The following NPC1 variants were observed in gnomAD, a reference collection of about 807,000 sequenced individuals.
NPC1 encodes the protein NPC intracellular cholesterol transporter 1, also known as Niemann-Pick C1 protein.
A neutral mutation model predicts 140.4 loss-of-function variants in NPC1; 85 were observed. The observed-to-expected ratio is 0.61, with a 90% CI of 0.51 to 0.72. NPC1 has a LOEUF of 0.72. Among genes scored for constraint, NPC1 ranks in the 30% least tolerant of loss-of-function variants. The probability of loss-of-function intolerance (pLI) is 0.00; values close to 1 mark genes in which losing one functional copy is unlikely to be tolerated. For synonymous variants in NPC1, 656 were observed against 624.8 expected (o/e 1.05, Z -0.74); for missense variants, 1,504 against 1,623.8 (o/e 0.93, Z 1.27).
At position 23,536,747 on chromosome 18, in the gene NPC1, T is replaced by C; in HGVS notation, c.3171A>G (p.Lys1057=). 4 of 1,614,216 alleles carry C rather than the reference T, an allele frequency of 2.5e-6. No individual in the cohort carries two copies. The highest frequency in any genetic ancestry group is 3.4e-6 in the Non-Finnish European group (4 of 1,180,038). The part of the protein sequence containing the change: ...TSADFIDALK[K]ARLIASNVTE... ...TGACATTACTGGCTATAAGTCGGGC[T>C]TTCTTCAGAGCGTCAATAAAGTCAG... is the stretch of plus-strand genomic sequence containing the variant. The change falls in exon 21 of 25, where the codon AAA becomes AAG. Residue 1057 remains lysine, a synonymous_variant. Coordinates refer to ENST00000269228, the MANE Select transcript of NPC1 (RefSeq NM_000271.5).
chr18:23,562,428 T>C (rs911127593), intron 4 of NPC1, among the ~76,000 whole-genome samples: 3 of 152,092 alleles, frequency 2.0e-5, no homozygotes, highest in African/African-American at 4.8e-5. Context: ...GAATGGGTCC[T>C]GTACTGTCGA....
chr18:23,529,994 G>T (rs763240117), downstream of NPC1: 1 of 1,554,898 alleles, frequency 6.4e-7, no homozygotes, highest in Non-Finnish European at 8.9e-7. Flanking sequence ...GAATGATTTG[G>T]AAGTGTTCTT....
In NPC1 at chr18:23,543,332, G is replaced by GAAA. The variant is rs34563465; in HGVS notation, c.2245+120_2245+122dup. 534 of 421,424 alleles carry GAAA rather than the reference G, an allele frequency of 1.3e-3. 1 individual carries two copies. The highest frequency in any genetic ancestry group is 2.2e-3 in the East Asian group (51 of 23,148). The allele number at this position is 421,424 out of a possible 1,614,324, so 26.1% of individuals were successfully genotyped here. ...TGGCAGAGTGAGACTCCGTCTCAGA[G>GAAA]AAAAAAAAAAAAAAGAAAAAAAAAA... On this transcript the variant is annotated intron_variant, in intron 14 of 24. Coordinates refer to ENST00000269228, the MANE Select transcript of NPC1 (RefSeq NM_000271.5).
In NPC1 at chr18:23,557,143, G is replaced by T. The variant is rs1444556267; in HGVS notation, c.929C>A (p.Ala310Asp). 1.2e-6 allele frequency: 2 copies of T among 1,613,604 alleles called. No individual in the cohort carries two copies. The highest frequency in any genetic ancestry group is 1.7e-6 in the Non-Finnish European group (2 of 1,179,784). Residue 310 changes from alanine to aspartate, a missense_variant, in exon 7 of 25, where the codon GCT becomes GAT. Physicochemically the swap from Ala to Asp is moderately radical, Grantham distance 126. Transcript: ENST00000269228. ...TTTGTCACTTGCATTAACAGAAAAA[G>T]CTATATTGCTATCGATGGGAGTGTA... ...SEYTPIDSNI[A>D]FSVNASDKGE...
At chr18:23,576,102 TA>T (rs1215672999) in intron 1 of NPC1, among the ~76,000 whole-genome samples, 1 of 152,000 alleles carries the variant, frequency 6.6e-6, no homozygotes, top group Non-Finnish European at 1.5e-5. Flanking sequence ...TGCATGCCTG[TA>T]ATCCCAGCTA....
chr18:23,553,343 C>T (rs780185860), intron 9 of NPC1, among the ~76,000 whole-genome samples: 2 of 152,116 alleles, frequency 1.3e-5, no homozygotes, highest in Non-Finnish European at 2.9e-5. Context: ...ACCCATGGCT[C>T]GTCTGCACCG....
At chr18:23,523,819 T>G (rs73390299) in intron 1 of NPC1, among the ~76,000 whole-genome samples, 1 of 152,166 alleles carries the variant, frequency 6.6e-6, no homozygotes, top group Non-Finnish European at 1.5e-5. Flanking sequence ...CAAGTAAATT[T>G]CTCAGTTCCT....
chr18:23,535,901 G>A (rs1268328146), intron 21 of NPC1, among the ~76,000 whole-genome samples: 2 of 152,048 alleles, frequency 1.3e-5, no homozygotes, highest in Non-Finnish European at 2.9e-5. Context: ...GGGCCCAGCA[G>A]TGATGCAAAA....
chr18:23,581,240 C>T (rs1220156205), intron 1 of NPC1, among the ~76,000 whole-genome samples: 1 of 152,196 alleles, frequency 6.6e-6, no homozygotes, highest in Non-Finnish European at 1.5e-5. Flanking sequence ...AGGGGTCAGG[C>T]CAGCAGGCTA....
exon 2 of NPC1, chr18:23,522,853 G>A (rs2058180184): frequency 6.8e-6 from 1 of 147,594 alleles, no homozygotes; most frequent in Admixed American, 6.9e-5. Flanking sequence ...ATGCATCCGT[G>A]TGTCTTGCCC....
At chr18:23,513,301 T>C (rs185075222) in intron 3 of NPC1, among the ~76,000 whole-genome samples, 103 of 152,366 alleles carry the variant, frequency 6.8e-4, no homozygotes, top group Middle Eastern at 3.4e-3. Flanking sequence ...TATACAGTAT[T>C]TGTCCCTTTG....
intron 17 of NPC1, 114 bp from the exon 18 acceptor site, chr18:23,540,115 C>T: frequency 1.1e-6 from 1 of 870,736 alleles, no homozygotes; most frequent in East Asian, 2.6e-5. Context: ...GAGATGCCTC[C>T]AGCTGGACTC....
At chr18:23,541,622 C>G (rs893121785) in intron 14 of NPC1, among the ~76,000 whole-genome samples, 189 bp from the exon 15 acceptor site, 19 of 152,210 alleles carry the variant, frequency 1.2e-4, no homozygotes, top group Admixed American at 1.2e-3. Flanking sequence ...TCAAAGCACA[C>G]TCAGCACCAG....
At position 23,572,177 on chromosome 18, in the gene NPC1, G is replaced by A; in HGVS notation, c.184C>T (p.Leu62Phe). The A allele has an allele frequency of 6.2e-7, 1 of 1,611,726 alleles. No homozygotes were observed. The highest frequency in any genetic ancestry group is 8.5e-7 in the Non-Finnish European group (1 of 1,178,222). The change falls in exon 3 of 25, where the codon CTC (leucine) becomes TTC (phenylalanine). Residue 62 changes from leucine to phenylalanine, a missense_variant. Transcript: ENST00000269228. ...TTGCCAAAGAAGAATCCTGGACAGA[G>A]TTCCTTTCAGGTGAAAGAGCACAGA... ...PKDGYDLVQE[L>F]CPGFFFGNVS...
Position 23,536,816 on chromosome 18 carries a change from TCCGACCCTGGTGCCATGG to T in NPC1, c.3084_3101del (p.His1029_Gly1034del), listed in dbSNP as rs2058637804. On this transcript the variant is annotated inframe_deletion, in exon 21 of 25. Coordinates refer to ENST00000269228, the MANE Select transcript of NPC1 (RefSeq NM_000271.5). ...TGTGGTAGGTCATGAAGTACGTGGC[TCCGACCCTGGTGCCATGG>T]CCAAGGAGGATGTTAACTGCAGAAC... 1 of 1,613,980 alleles carries T rather than the reference TCCGACCCTGGTGCCATGG, an allele frequency of 6.2e-7. No individual in the cohort carries two copies. The highest frequency in any genetic ancestry group is 1.3e-5 in the African/African-American group (1 of 74,914).
At position 23,568,821 on chromosome 18, in the gene NPC1, A is replaced by G; in HGVS notation, c.463+2T>C. 6.2e-7 allele frequency: 1 copy of G among 1,612,880 alleles called. No homozygotes were observed. Among genetic ancestry groups the G allele is most frequent in the Non-Finnish European group, 8.5e-7 (1 of 1,178,860 alleles). ...AAGAGGAATAATTAAAAGTTTACTT[A>G]CCATTGGCAAAACTCTGTCCGACGT... On this transcript the variant is annotated splice_donor_variant, in intron 4 of 24. Transcript: ENST00000269228. LOFTEE classifies it high-confidence loss of function.
At chr18:23,516,696 T>C (rs1189103664) in intron 3 of NPC1, among the ~76,000 whole-genome samples, 1 of 151,408 alleles carries the variant, frequency 6.6e-6, no homozygotes, top group Non-Finnish European at 1.5e-5. Flanking sequence ...CCAATTTATT[T>C]CTTAGTATCT....
chr18:23,524,556 C>G, downstream of NPC1: 9 of 1,494,496 alleles, frequency 6.0e-6, no homozygotes, highest in Non-Finnish European at 8.4e-6. Flanking sequence ...TAGCCAGGGA[C>G]GTTTTCAAGG....
chr18:23,511,144 C>T (rs1017161001), intron 3 of NPC1, among the ~76,000 whole-genome samples: 2 of 152,180 alleles, frequency 1.3e-5, no homozygotes, highest in African/African-American at 4.8e-5. Context: ...TACTATGCAG[C>T]CATAAAAATG....
Sources: gnomAD v4.1 joint callset for allele counts (sites outside exome capture counted in the v4.1 genomes callset) on GRCh38, gnomAD v4.1.1 for gene constraint, MANE v1.5 for transcripts, NCBI Gene and HGNC (gene_info 2026-07-23, HGNC 2026-07-21) for gene names.